BCL2: variants seen among roughly 807,000 people sequenced by gnomAD.
The protein encoded by BCL2 is apoptosis regulator Bcl-2.
Under a neutral mutation model 14.2 loss-of-function variants are expected in BCL2, and 1 was observed. That is an observed-to-expected ratio of 0.07 (90% confidence interval 0.02 to 0.33). The LOEUF (loss-of-function observed/expected upper bound fraction) is 0.33. BCL2 is among the 10% of genes least tolerant of loss of function. The pLI is 0.99. For missense variants in BCL2, 247 were observed against 305.9 expected, an observed-to-expected ratio of 0.81 and a Z score of 1.44; for synonymous variants, 151 against 137.2, an observed-to-expected ratio of 1.10 and a Z score of -0.70.
At chr18:63,220,778 G>C (rs1397995494) in intron 2 of BCL2, among the ~76,000 whole-genome samples, 1 of 151,504 alleles carries the variant, frequency 6.6e-6, no homozygotes, top group Non-Finnish European at 1.5e-5. Flanking sequence ...TTCAGGGAAG[G>C]TTTCCGGTAG....
intron 2 of BCL2, among the ~76,000 whole-genome samples, chr18:63,170,347 T>C (rs1349701877): frequency 6.6e-6 from 1 of 152,120 alleles, no homozygotes; most frequent in Non-Finnish European, 1.5e-5. Flanking sequence ...GCTACAATAA[T>C]ATAGCAATGA....
At chr18:63,281,682 AAG>A (rs1287546379) in intron 2 of BCL2, among the ~76,000 whole-genome samples, 1 of 60,620 alleles carries the variant, frequency 1.6e-5, no homozygotes, top group African/African-American at 3.8e-5. Context: ...GAAAGAAAGA[AAG>A]AAAGAAAGAA....
At chr18:63,145,174 T>C (rs977844098) in intron 2 of BCL2, among the ~76,000 whole-genome samples, 1 of 152,226 alleles carries the variant, frequency 6.6e-6, no homozygotes, top group Non-Finnish European at 1.5e-5. Context: ...ATTTAGAATA[T>C]TAAAATATGT....
chr18:63,236,233 T>C (rs932860826), intron 2 of BCL2, among the ~76,000 whole-genome samples: 9 of 152,220 alleles, frequency 5.9e-5, no homozygotes, highest in Non-Finnish European at 1.3e-4. Context: ...GTGAGTCCAT[T>C]AAAACTTTTT....
intron 2 of BCL2, among the ~76,000 whole-genome samples, chr18:63,275,519 GA>G (rs1429995772): frequency 6.6e-6 from 1 of 152,192 alleles, no homozygotes; most frequent in Non-Finnish European, 1.5e-5. Context: ...ACACAGCCGT[GA>G]CCCTTTTCTT....
chr18:63,278,708 A>G (rs1256693245), intron 2 of BCL2, among the ~76,000 whole-genome samples: 1 of 152,134 alleles, frequency 6.6e-6, no homozygotes, highest in Non-Finnish European at 1.5e-5. Flanking sequence ...CCCTCTACCT[A>G]TCACAATGTT....
At chr18:63,171,606 A>T (rs769272316) in intron 2 of BCL2, among the ~76,000 whole-genome samples, 7 of 152,252 alleles carry the variant, frequency 4.6e-5, no homozygotes, top group Non-Finnish European at 1.0e-4. Flanking sequence ...CAGCTATATG[A>T]TGCCACAGGT....
Position 63,128,357 on chromosome 18 carries a change from G to T in BCL2, c.*268C>A, listed in dbSNP as rs1218999883. The T allele has an allele frequency of 6.0e-6, 2 of 335,728 alleles. No homozygotes were observed. Among genetic ancestry groups the T allele is most frequent in the Non-Finnish European group, 1.1e-5 (2 of 182,302 alleles). 20.8% of individuals were successfully genotyped at this position (335,728 alleles called of 1,614,324 possible). The stretch of plus-strand genomic sequence containing the variant: ...CAAAGACAGGAGTTTTGATGGGACT[G>T]TCTTAAATAAATAAATCTTTTTTTC... On this transcript the variant is annotated 3_prime_UTR_variant, in exon 3 of 3. Transcript: ENST00000333681.
intron 2 of BCL2, among the ~76,000 whole-genome samples, chr18:63,158,793 T>C (rs892185275): frequency 6.6e-6 from 1 of 152,214 alleles, no homozygotes; most frequent in Non-Finnish European, 1.5e-5. Flanking sequence ...TGGTGAGTCA[T>C]TAATTCATGA....
At chr18:63,274,234 T>G (rs558863312) in intron 2 of BCL2, among the ~76,000 whole-genome samples, 10 of 152,064 alleles carry the variant, frequency 6.6e-5, no homozygotes, top group African/African-American at 2.4e-4. Context: ...TAAACCTTAA[T>G]TAGGTCCATC....
chr18:63,221,858 G>C (rs1380789422), intron 2 of BCL2, among the ~76,000 whole-genome samples: 1 of 152,132 alleles, frequency 6.6e-6, no homozygotes, highest in Admixed American at 6.5e-5. Context: ...ATCTGAGTAG[G>C]GGAATCCCAT....
At chr18:63,306,459 T>C (rs1913138206) in intron 2 of BCL2, among the ~76,000 whole-genome samples, 1 of 152,198 alleles carries the variant, frequency 6.6e-6, no homozygotes, top group South Asian at 2.1e-4. Context: ...TAGCATCATC[T>C]TTCTGACCCA....
chr18:63,216,358 C>A (rs1910201693), intron 2 of BCL2, among the ~76,000 whole-genome samples: 1 of 141,978 alleles, frequency 7.0e-6, no homozygotes, highest in Admixed American at 7.1e-5. Context: ...AAAGAAGAAA[C>A]AGCGAACACT....
At chr18:63,139,361 G>C (rs1914297034) in intron 2 of BCL2, among the ~76,000 whole-genome samples, 1 of 152,160 alleles carries the variant, frequency 6.6e-6, no homozygotes, top group African/African-American at 2.4e-5. Flanking sequence ...GAGACTAAAG[G>C]CCGTATCTAT....
chr18:63,299,809 C>CT (rs1270027580), intron 2 of BCL2, among the ~76,000 whole-genome samples: 1 of 117,774 alleles, frequency 8.5e-6, no homozygotes, highest in Admixed American at 8.7e-5. Flanking sequence ...TTTTTTTTTT[C>CT]TTTTTCTTTT....
At chr18:63,278,344 G>A (rs1912216716) in intron 2 of BCL2, among the ~76,000 whole-genome samples, 1 of 152,238 alleles carries the variant, frequency 6.6e-6, no homozygotes, top group African/African-American at 2.4e-5. Context: ...GACTCTCCTA[G>A]ATCAAACTCA....
At chr18:63,164,525 G>A (rs553306727) in intron 2 of BCL2, among the ~76,000 whole-genome samples, 2 of 152,340 alleles carry the variant, frequency 1.3e-5, no homozygotes, top group African/African-American at 4.8e-5. Context: ...TAGGGGGAAA[G>A]ACTGGGAGGC....
chr18:63,130,427 T>C (rs973085997), intron 2 of BCL2, among the ~76,000 whole-genome samples: 3 of 152,220 alleles, frequency 2.0e-5, no homozygotes, highest in Admixed American at 6.5e-5. Context: ...GTCTCCCTCA[T>C]GCTGGGCATG....
chr18:63,317,811 C>T, intron 2 of BCL2: 1 of 1,344,868 alleles, frequency 7.4e-7, no homozygotes, highest in Non-Finnish European at 9.5e-7. Flanking sequence ...GTACCATTTA[C>T]CACCACATCC....
Sources: gnomAD v4.1 joint callset for allele counts (sites outside exome capture counted in the v4.1 genomes callset) on GRCh38, gnomAD v4.1.1 for gene constraint, MANE v1.5 for transcripts, NCBI Gene and HGNC (gene_info 2026-07-23, HGNC 2026-07-21) for gene names.